Variants in EYS observed in about 807,000 individuals in gnomAD.
EYS encodes EGF-like photoreceptor maintenance factor.
Under a neutral mutation model 282.1 loss-of-function variants are expected in EYS, and 250 were observed. The observed-to-expected ratio is 0.89, with a 90% CI of 0.80 to 0.98. The LOEUF (loss-of-function observed/expected upper bound fraction) is 0.98, where lower values mean the gene tolerates loss of function less well. Among genes scored for constraint, EYS ranks in the 50% least tolerant of loss-of-function variants. The probability of loss-of-function intolerance (pLI) is 0.00; values close to 1 mark genes in which losing one functional copy is unlikely to be tolerated. For missense variants in EYS, 4,016 were observed against 3,709.0 expected (o/e 1.08, Z -2.15); for synonymous variants, 1,355 against 1,282.9 (o/e 1.06, Z -1.20).
intron 14 of EYS, among the ~76,000 whole-genome samples, chr6:64,951,074 G>A (rs1287954063): frequency 6.6e-6 from 1 of 151,540 alleles, no homozygotes; most frequent in Non-Finnish European, 1.5e-5. Flanking sequence ...TTAGGTCCGT[G>A]AAGAGAAGAA....
At chr6:65,034,397 T>C (rs1772702324) in intron 13 of EYS, among the ~76,000 whole-genome samples, 1 of 152,122 alleles carries the variant, frequency 6.6e-6, no homozygotes, top group Non-Finnish European at 1.5e-5. Flanking sequence ...TGGATATTTG[T>C]CTCCACTTGA....
intron 29 of EYS, among the ~76,000 whole-genome samples, chr6:64,369,054 T>G (rs1772267397): frequency 6.6e-6 from 1 of 152,152 alleles, no homozygotes; most frequent in Non-Finnish European, 1.5e-5. Context: ...CTTAAGTCTT[T>G]TAACCACCTT....
chr6:64,463,635 T>C (rs563555557), intron 26 of EYS, among the ~76,000 whole-genome samples: 1 of 152,172 alleles, frequency 6.6e-6, no homozygotes, highest in South Asian at 2.1e-4. Flanking sequence ...TAGTGGAAAA[T>C]ATAAGAGCAC....
At chr6:64,077,272 TATG>T (rs1378945118) in intron 32 of EYS, among the ~76,000 whole-genome samples, 2 of 152,056 alleles carry the variant, frequency 1.3e-5, no homozygotes, top group Non-Finnish European at 2.9e-5. Context: ...TGCTATCTAA[TATG>T]ATGCCAGGGA....
intron 21 of EYS, 127 bp from the exon 22 acceptor site, chr6:64,813,704 C>G: frequency 1.8e-6 from 1 of 546,518 alleles, no homozygotes; most frequent in Non-Finnish European, 2.9e-6. Flanking sequence ...TTTCCTTCCT[C>G]TGTTAATTGA....
At chr6:65,048,270 C>G (rs1196955891) in intron 13 of EYS, among the ~76,000 whole-genome samples, 2 of 151,832 alleles carry the variant, frequency 1.3e-5, no homozygotes, top group African/African-American at 4.8e-5. Context: ...TTCATCTGTA[C>G]AGTCCCAAAT....
At chr6:64,195,701 A>T (rs1765267097) in intron 31 of EYS, among the ~76,000 whole-genome samples, 1 of 152,176 alleles carries the variant, frequency 6.6e-6, no homozygotes, top group African/African-American at 2.4e-5. Context: ...GTATAAATAA[A>T]TTTTTATCCA....
chr6:64,078,140 T>C (rs2149865457), intron 32 of EYS, among the ~76,000 whole-genome samples: 1 of 152,180 alleles, frequency 6.6e-6, no homozygotes, highest in African/African-American at 2.4e-5. Flanking sequence ...CTGATAGTTC[T>C]CTATCCTTGT....
chr6:64,402,125 T>C (rs1385557020), intron 28 of EYS, among the ~76,000 whole-genome samples: 1 of 152,156 alleles, frequency 6.6e-6, no homozygotes, highest in Admixed American at 6.5e-5. Context: ...ATATTACTTA[T>C]AATTAAGACT....
chr6:64,233,643 G>A (rs1002022218), intron 30 of EYS, among the ~76,000 whole-genome samples: 13 of 152,210 alleles, frequency 8.5e-5, no homozygotes, highest in Non-Finnish European at 1.6e-4. Context: ...CTGTCTGATC[G>A]TTTCTTAGGT....
At chr6:64,992,618 G>C (rs1371085441) in intron 14 of EYS, among the ~76,000 whole-genome samples, 1 of 151,816 alleles carries the variant, frequency 6.6e-6, no homozygotes, top group Non-Finnish European at 1.5e-5. Context: ...ATGTGCTTTT[G>C]TCTCTCTTTT....
chr6:63,806,564 G>A lies in EYS; in HGVS notation c.7229-192C>T, dbSNP rs144857339. Among the ~76,000 whole-genome samples the A allele has an allele frequency of 9.8e-5, 15 of 152,304 alleles. 1 individual carries two copies. In the East Asian group the frequency reaches 2.9e-3, roughly 29 times the overall value. On this transcript the variant is annotated intron_variant, in intron 36 of 42. Coordinates refer to ENST00000503581, the MANE Select transcript of EYS (RefSeq NM_001142800.2). ...TCAAAACCAGAACAAAGGAAATGCAGTGTTTTGAGATCTTCTATATAATCC... is the reference window on the plus strand; with the variant it reads ...TCAAAACCAGAACAAAGGAAATGCAATGTTTTGAGATCTTCTATATAATCC...
intron 30 of EYS, among the ~76,000 whole-genome samples, chr6:64,245,673 G>A (rs1766987881): frequency 6.6e-6 from 1 of 152,066 alleles, no homozygotes; most frequent in South Asian, 2.1e-4. Flanking sequence ...CTCTTCAAAT[G>A]CTTTATCATT....
chr6:64,342,678 T>C (rs1771174229), intron 29 of EYS, among the ~76,000 whole-genome samples: 1 of 152,018 alleles, frequency 6.6e-6, no homozygotes, highest in South Asian at 2.1e-4. Context: ...AATAAGCAGC[T>C]AACATCATAA....
At chr6:63,771,181 G>T (rs927955067) in intron 40 of EYS, among the ~76,000 whole-genome samples, 1 of 152,124 alleles carries the variant, frequency 6.6e-6, no homozygotes, top group Non-Finnish European at 1.5e-5. Flanking sequence ...GTGGACCCTG[G>T]TTGCATTGGG....
chr6:64,590,681 TTAC>T lies in EYS; in HGVS notation c.5183_5185del (p.Ser1728del). 6.4e-7 allele frequency: 1 copy of T among 1,551,264 alleles called. No individual in the cohort carries two copies. Among genetic ancestry groups the T allele is most frequent in the Non-Finnish European group, 8.7e-7 (1 of 1,146,718 alleles). ...AAGTTTGAACAGTGTATGAGATCCT[TTAC>T]TTTTTTCCATGTCCAATAAGCTCTC... On this transcript the variant is annotated inframe_deletion, in exon 26 of 43. Transcript: ENST00000503581.
intron 41 of EYS, among the ~76,000 whole-genome samples, chr6:63,736,391 A>T (rs1384580134): frequency 1.3e-5 from 2 of 152,004 alleles, no homozygotes; most frequent in Non-Finnish European, 2.9e-5. Context: ...AAGATCAGAT[A>T]GTTGTAGATA....
intron 15 of EYS, among the ~76,000 whole-genome samples, chr6:64,922,408 T>C (rs546068069): frequency 1.5e-3 from 227 of 152,240 alleles, no homozygotes; most frequent in African/African-American, 5.2e-3. Flanking sequence ...TGTGCAAATG[T>C]AAATGTAAAA....
At chr6:65,309,848 C>T (rs1252315989) in intron 11 of EYS, among the ~76,000 whole-genome samples, 3 of 152,234 alleles carry the variant, frequency 2.0e-5, no homozygotes, top group Non-Finnish European at 4.4e-5. Flanking sequence ...GACTACTTCT[C>T]TCCCTTTCAC....
Sources: gnomAD v4.1 joint callset for allele counts (sites outside exome capture counted in the v4.1 genomes callset) on GRCh38, gnomAD v4.1.1 for gene constraint, MANE v1.5 for transcripts, NCBI Gene and HGNC (gene_info 2026-07-23, HGNC 2026-07-21) for gene names.